TENM2: variants seen among roughly 807,000 people sequenced by gnomAD.
TENM2 encodes the protein teneurin-2.
A neutral mutation model predicts 245.2 loss-of-function variants in TENM2; 52 were observed. That is an observed-to-expected ratio of 0.21 (90% confidence interval 0.17 to 0.27). The LOEUF is 0.27. Among genes scored for constraint, TENM2 ranks in the 10% least tolerant of loss-of-function variants. TENM2 has a pLI of 1.00. For missense variants in TENM2, 3,046 were observed against 3,666.8 expected (o/e 0.83, Z 4.37); for synonymous variants, 1,363 against 1,438.9 (o/e 0.95, Z 1.19).
intron 2 of TENM2, among the ~76,000 whole-genome samples, chr5:167,654,809 G>A (rs564361137): frequency 6.6e-6 from 1 of 152,152 alleles, no homozygotes; most frequent in Non-Finnish European, 1.5e-5. Flanking sequence ...TCATAGCTCA[G>A]TGTCTGTTGT....
At chr5:168,246,919 G>A (rs1281473747) in exon 27 of TENM2, 2 of 1,613,888 alleles carry the variant, frequency 1.2e-6, no homozygotes, top group East Asian at 2.2e-5. Flanking sequence ...TGAAAGCAAT[G>A]CTTCGGTCAT....
intron 2 of TENM2, among the ~76,000 whole-genome samples, chr5:167,823,839 T>C (rs552326843): frequency 1.5e-4 from 23 of 152,302 alleles, no homozygotes; most frequent in African/African-American, 5.5e-4. Context: ...TATGTTGCAT[T>C]CTGGAAAAAG....
At position 168,168,190 on chromosome 5, in the gene TENM2, A is replaced by G. The variant is rs148908052; in HGVS notation, c.2569+5433A>G. Among the ~76,000 whole-genome samples the G allele has an allele frequency of 1.7e-3, 260 of 152,278 alleles. 1 individual carries two copies. Among genetic ancestry groups the G allele is most frequent in the Middle Eastern group, 0.014 (4 of 294 alleles). ...TCTGCACTTTTACCACGCACCCCAG[A>G]GTGTCTGATACAAGTGTGTTTGCTC... On this transcript the variant is annotated intron_variant, in intron 13 of 28. Transcript: ENST00000518659.
intron 2 of TENM2, among the ~76,000 whole-genome samples, chr5:167,470,538 T>C (rs1264889034): frequency 6.6e-6 from 1 of 150,584 alleles, no homozygotes; most frequent in Admixed American, 6.6e-5. Context: ...GCTTTTATTT[T>C]TGCTTTTAAA....
chr5:167,868,691 G>A (rs1772546369), intron 2 of TENM2, among the ~76,000 whole-genome samples: 1 of 140,992 alleles, frequency 7.1e-6, no homozygotes, highest in Admixed American at 7.5e-5. Flanking sequence ...AGCCAAGACT[G>A]TACCACTGTA....
In TENM2 at chr5:168,204,575, C is replaced by T; in HGVS notation, c.3778C>T (p.Arg1260Ter). The stretch of plus-strand genomic sequence containing the variant: ...CTATGTGGGTGACTTCAATTACATC[C>T]GACGCATCTTTCCCTCTCGAAATGT... Residue 1260 changes from arginine to a stop codon, truncating the protein, a stop_gained, in exon 19 of 29, where the codon CGA (arginine) becomes TGA (stop). Transcript: ENST00000518659. LOFTEE classifies it high-confidence loss of function. 1 of 1,613,958 alleles carries T rather than the reference C, an allele frequency of 6.2e-7. No individual in the cohort carries two copies. Among genetic ancestry groups the T allele is most frequent in the Non-Finnish European group, 8.5e-7 (1 of 1,179,878 alleles).
chr5:167,221,628 G>A, the TENM2 span, among the ~76,000 whole-genome samples: 1 of 152,194 alleles, frequency 6.6e-6, no homozygotes, highest in African/African-American at 2.4e-5. Context: ...AAACTTCAGT[G>A]ACATTCACAT....
At chr5:167,148,297 A>G in the TENM2 span, among the ~76,000 whole-genome samples, 1 of 152,208 alleles carries the variant, frequency 6.6e-6, no homozygotes, top group African/African-American at 2.4e-5. Context: ...TTTTTCCCCT[A>G]TGAAAATTGC....
At chr5:167,124,981 A>G in the TENM2 span, among the ~76,000 whole-genome samples, 4 of 152,190 alleles carry the variant, frequency 2.6e-5, no homozygotes, top group Non-Finnish European at 1.5e-5. Flanking sequence ...CCCACCGTGG[A>G]ACTAGGTATG....
intron 1 of TENM2, among the ~76,000 whole-genome samples, chr5:167,342,406 T>C (rs577868326): frequency 3.2e-4 from 48 of 151,912 alleles, no homozygotes; most frequent in Non-Finnish European, 5.0e-4. Flanking sequence ...CATTATGTCA[T>C]ATCAAGGGTA....
intron 1 of TENM2, among the ~76,000 whole-genome samples, chr5:167,326,209 G>T (rs971936904): frequency 6.6e-6 from 1 of 152,132 alleles, no homozygotes; most frequent in Non-Finnish European, 1.5e-5. Flanking sequence ...TATAAGATCA[G>T]TTTGGTAAGG....
the TENM2 span, among the ~76,000 whole-genome samples, chr5:167,156,012 G>C: frequency 6.6e-6 from 1 of 152,202 alleles, no homozygotes; most frequent in South Asian, 2.1e-4. Context: ...ATGACTTTCA[G>C]ATGTCTTGTT....
intron 2 of TENM2, among the ~76,000 whole-genome samples, chr5:167,707,555 C>G (rs1758618775): frequency 6.6e-6 from 1 of 152,092 alleles, no homozygotes; most frequent in Non-Finnish European, 1.5e-5. Context: ...CCAAGCTCAC[C>G]AAGTTGTATA....
chr5:167,521,984 G>T (rs1770784798), intron 2 of TENM2, among the ~76,000 whole-genome samples: 2 of 152,050 alleles, frequency 1.3e-5, no homozygotes, highest in Non-Finnish European at 2.9e-5. Flanking sequence ...AATTTATAAA[G>T]CACAATTATA....
the TENM2 span, among the ~76,000 whole-genome samples, chr5:167,134,692 T>G: frequency 2.0e-5 from 3 of 152,204 alleles, no homozygotes; most frequent in Non-Finnish European, 4.4e-5. Context: ...TTTTCAACGC[T>G]GTTTTATTGG....
intron 19 of TENM2, among the ~76,000 whole-genome samples, chr5:168,209,281 T>A (rs185765875): frequency 1.3e-5 from 2 of 152,358 alleles, no homozygotes; most frequent in East Asian, 3.9e-4. Context: ...GAGTGAATAA[T>A]CTAAATAGTC....
chr5:168,063,979 A>G (rs1428221933), intron 7 of TENM2, among the ~76,000 whole-genome samples: 2 of 152,028 alleles, frequency 1.3e-5, no homozygotes, highest in African/African-American at 4.8e-5. Context: ...CCATCCATCC[A>G]TCCATCCAGA....
At chr5:167,536,458 TA>T (rs35201500) in intron 2 of TENM2, among the ~76,000 whole-genome samples, 88,505 of 150,252 alleles carry the variant, frequency 0.59, 26,034 homozygotes, top group South Asian at 0.7. Flanking sequence ...CCCATATACT[TA>T]AAAAAAAAAA....
chr5:168,076,179 TTTTA>T (rs2152148062), intron 7 of TENM2, among the ~76,000 whole-genome samples: 2 of 294 alleles, frequency 6.8e-3, no homozygotes, highest in East Asian at 0.12. Flanking sequence ...TTTATTTTTA[TTTTA>T]TTTTATTTTA....
Sources: gnomAD v4.1 joint callset for allele counts (sites outside exome capture counted in the v4.1 genomes callset) on GRCh38, gnomAD v4.1.1 for gene constraint, MANE v1.5 for transcripts, NCBI Gene and HGNC (gene_info 2026-07-23, HGNC 2026-07-21) for gene names.